The following PTPRZ1 variants were observed in gnomAD, a reference collection of about 807,000 sequenced individuals.
The protein encoded by PTPRZ1 is receptor-type tyrosine-protein phosphatase zeta.
A neutral mutation model predicts 214.1 loss-of-function variants in PTPRZ1; 82 were observed. The ratio of observed to expected loss-of-function variants is 0.38; its 90% CI spans 0.32 to 0.46. The LOEUF is 0.46. PTPRZ1 is among the 20% of genes least tolerant of loss of function. The pLI, the probability that PTPRZ1 is intolerant of heterozygous loss-of-function variation, is 1.00. For missense variants in PTPRZ1, 2,603 were observed against 2,748.7 expected (o/e 0.95, Z 1.19); for synonymous variants, 945 against 987.9 (o/e 0.96, Z 0.81).
chr7:121,896,642 G>A (rs1435873873), intron 1 of PTPRZ1, among the ~76,000 whole-genome samples: 2 of 152,046 alleles, frequency 1.3e-5, no homozygotes, highest in Non-Finnish European at 2.9e-5. Flanking sequence ...GTGTGGTGGT[G>A]GGTGCCTGTA....
intron 1 of PTPRZ1, 67 bp downstream of exon 1, chr7:121,873,624 G>C: frequency 6.4e-7 from 1 of 1,571,492 alleles, no homozygotes; most frequent in Non-Finnish European, 8.7e-7. Flanking sequence ...GAGCATTTCA[G>C]CGTGTCCGCG....
At chr7:121,911,167 T>C (rs1001249695) in intron 1 of PTPRZ1, among the ~76,000 whole-genome samples, 2 of 152,154 alleles carry the variant, frequency 1.3e-5, no homozygotes, top group African/African-American at 4.8e-5. Context: ...ATTGTACTTA[T>C]TTAATAGTGC....
chr7:122,029,115 C>A (rs1231836247), intron 14 of PTPRZ1, among the ~76,000 whole-genome samples: 1 of 149,742 alleles, frequency 6.7e-6, no homozygotes, highest in African/African-American at 2.5e-5. Flanking sequence ...TTTTAACCTA[C>A]ATTAGAAGAA....
chr7:122,059,112 A>C (rs1413787254), intron 28 of PTPRZ1, among the ~76,000 whole-genome samples, 170 bp downstream of exon 28: 1 of 144,668 alleles, frequency 6.9e-6, no homozygotes, highest in Non-Finnish European at 1.5e-5. Flanking sequence ...TTTTTTTTTT[A>C]CTTCACTTGA....
At chr7:122,038,947 A>G (rs1349334167) in intron 19 of PTPRZ1, 58 bp downstream of exon 19, 2 of 1,579,782 alleles carry the variant, frequency 1.3e-6, no homozygotes, top group Non-Finnish European at 1.7e-6. Context: ...ACTTTAAATT[A>G]GTTTTAATAG....
intron 1 of PTPRZ1, among the ~76,000 whole-genome samples, chr7:121,914,507 C>T (rs1373322158): frequency 6.6e-6 from 1 of 152,000 alleles, no homozygotes; most frequent in African/African-American, 2.4e-5. Flanking sequence ...CATGGCAATC[C>T]GCTAGCTGTG....
chr7:122,053,013 G>A (rs1251035939), intron 25 of PTPRZ1, among the ~76,000 whole-genome samples: 1 of 152,144 alleles, frequency 6.6e-6, no homozygotes, highest in African/African-American at 2.4e-5. Flanking sequence ...TCACCTGCAT[G>A]GGTTCCATTG....
chr7:121,913,627 A>G (rs958540260), intron 1 of PTPRZ1, among the ~76,000 whole-genome samples: 1 of 152,238 alleles, frequency 6.6e-6, no homozygotes, highest in Non-Finnish European at 1.5e-5. Context: ...TTTTATAAAT[A>G]TTACAAATTG....
At chr7:121,965,353 G>GGTTTGTTT (rs33965058) in intron 2 of PTPRZ1, among the ~76,000 whole-genome samples, 1 of 150,918 alleles carries the variant, frequency 6.6e-6, no homozygotes, top group Non-Finnish European at 1.5e-5. Flanking sequence ...TTGTTGTTGT[G>GGTTTGTTT]GTTTGTTTGT....
chr7:121,945,443 T>C (rs888901097), intron 2 of PTPRZ1, among the ~76,000 whole-genome samples: 3 of 152,228 alleles, frequency 2.0e-5, no homozygotes, highest in Non-Finnish European at 2.9e-5. Flanking sequence ...ATTGTCTTTT[T>C]TTAAGTAGGT....
At chr7:121,953,206 A>AT (rs1361476400) in intron 2 of PTPRZ1, among the ~76,000 whole-genome samples, 1 of 152,126 alleles carries the variant, frequency 6.6e-6, no homozygotes, top group African/African-American at 2.4e-5. Context: ...TTGGGTATTA[A>AT]TTTTTCATCT....
At chr7:121,938,680 C>CA (rs1796158522) in intron 2 of PTPRZ1, among the ~76,000 whole-genome samples, 1 of 135,478 alleles carries the variant, frequency 7.4e-6, no homozygotes, top group African/African-American at 2.8e-5. Flanking sequence ...ATATACATTG[C>CA]AAAACAAGGA....
chr7:121,914,005 G>T (rs78825633), intron 1 of PTPRZ1, among the ~76,000 whole-genome samples: 9,952 of 152,126 alleles, frequency 0.065, 412 homozygotes, highest in Non-Finnish European at 0.099. Flanking sequence ...TCTGTGTATA[G>T]CACCTATTTA....
At chr7:121,985,280 A>T (rs1270907737) in intron 8 of PTPRZ1, among the ~76,000 whole-genome samples, 1 of 152,210 alleles carries the variant, frequency 6.6e-6, no homozygotes, top group East Asian at 1.9e-4. Context: ...CGATTAGAAA[A>T]AAGAAAGTGG....
rs1182765942 is a variant in PTPRZ1, at chr7:122,028,602, G to C, written c.5039G>C (p.Arg1680Thr). The C allele has an allele frequency of 5.8e-6, 9 of 1,549,716 alleles. No individual in the cohort carries two copies. The East Asian group carries it at 6.7e-5, about 12-fold the overall frequency. Reference sequence around the variant, plus strand: ...TACTTAGAGGACAGTACATCCCCTAGAGTTATATCCACACCTCCAACACCT... The same window carrying C: ...TACTTAGAGGACAGTACATCCCCTACAGTTATATCCACACCTCCAACACCT... ...HFYLEDSTSP[R>T]VISTPPTPIF... The change falls in exon 14 of 30, where the codon AGA becomes ACA. Residue 1680 changes from arginine to threonine, a missense_variant. Arg to Thr is a moderately conservative substitution (Grantham distance 71). Coordinates refer to ENST00000393386, the MANE Select transcript of PTPRZ1 (RefSeq NM_002851.3).
chr7:122,039,794 T>G (rs568509079), intron 20 of PTPRZ1, among the ~76,000 whole-genome samples: 52 of 151,886 alleles, frequency 3.4e-4, no homozygotes, highest in African/African-American at 1.0e-3. Flanking sequence ...GGTCAGGAGG[T>G]CGAGACTAGC....
chr7:121,929,831 T>A (rs13311789), intron 2 of PTPRZ1, among the ~76,000 whole-genome samples: 4 of 19,028 alleles, frequency 2.1e-4, no homozygotes, highest in South Asian at 2.3e-3. Flanking sequence ...AAATAAAAAA[T>A]AAATAAATAA....
chr7:121,873,326 T>TCACA lies in PTPRZ1; in HGVS notation c.-173_-172insACAC, dbSNP rs1158807562. On this transcript the variant is annotated 5_prime_UTR_variant, in exon 1 of 30. Transcript: ENST00000393386. ...CTGTCTCTGTCTCTGTCTCTCTCTC[T>TCACA]CTCACACACACACACACACACACAA... 44 of 540,474 alleles carry TCACA rather than the reference T, an allele frequency of 8.1e-5. No homozygotes were observed. In the South Asian group the frequency reaches 8.6e-4, roughly 11 times the overall value. 33.5% of individuals were successfully genotyped at this position (540,474 alleles called of 1,614,324 possible).
intron 2 of PTPRZ1, among the ~76,000 whole-genome samples, chr7:121,939,031 C>T (rs778834372): frequency 2.0e-5 from 3 of 152,164 alleles, no homozygotes; most frequent in Non-Finnish European, 4.4e-5. Flanking sequence ...GAGGCAGAGA[C>T]TCACACATAG....
Sources: allele counts gnomAD v4.1 joint callset (sites outside exome capture counted in the v4.1 genomes callset), GRCh38; gene constraint gnomAD v4.1.1; transcripts MANE v1.5; gene names NCBI Gene and HGNC (gene_info 2026-07-23, HGNC 2026-07-21).